The following COLEC10 variants were observed in gnomAD, a reference collection of about 807,000 sequenced individuals.
The protein encoded by COLEC10 is collectin-10.
In COLEC10, 22 loss-of-function variants were observed where a neutral mutation model predicts 28.4. That is an observed-to-expected ratio of 0.78 (90% CI 0.55 to 1.11). The LOEUF (loss-of-function observed/expected upper bound fraction) is 1.11. Among genes scored for constraint, COLEC10 ranks in the 50% least tolerant of loss-of-function variants. The probability of loss-of-function intolerance (pLI) is 0.00; values close to 1 mark genes in which losing one functional copy is unlikely to be tolerated. For missense variants in COLEC10, 361 were observed against 344.1 expected, an observed-to-expected ratio of 1.05 and a Z score of -0.39; for synonymous variants, 125 against 116.1, an observed-to-expected ratio of 1.08 and a Z score of -0.49.
chr8:118,999,900 C>A (rs982190356), intron 1 of COLEC10, among the ~76,000 whole-genome samples: 3 of 92,416 alleles, frequency 3.2e-5, no homozygotes, highest in Non-Finnish European at 6.1e-5. Flanking sequence ...ACAGAGAATT[C>A]TTTAAAGAGT....
chr8:118,961,095 T>A, the COLEC10 span, among the ~76,000 whole-genome samples: 1 of 152,180 alleles, frequency 6.6e-6, no homozygotes, highest in Non-Finnish European at 1.5e-5. Context: ...AAAACATTAT[T>A]TGATCCTTTA....
chr8:119,076,408 C>T (rs966453134), intron 1 of COLEC10, among the ~76,000 whole-genome samples: 2 of 151,896 alleles, frequency 1.3e-5, no homozygotes, highest in Admixed American at 1.3e-4. Flanking sequence ...ATTACAGACA[C>T]CTGCCACCAC....
chr8:119,048,177 T>C (rs1814616534), intron 2 of COLEC10, among the ~76,000 whole-genome samples: 1 of 152,204 alleles, frequency 6.6e-6, no homozygotes, highest in African/African-American at 2.4e-5. Flanking sequence ...GCAGTGTCTA[T>C]TGTTCCCATG....
At chr8:119,104,573 A>G (rs1395856100) in intron 5 of COLEC10, among the ~76,000 whole-genome samples, 1 of 152,188 alleles carries the variant, frequency 6.6e-6, no homozygotes, top group Non-Finnish European at 1.5e-5. Flanking sequence ...CTGAGACAGT[A>G]TTAATAAGGT....
Position 119,105,801 on chromosome 8 carries a change from G to A in COLEC10, c.444G>A (p.Val148=), listed in dbSNP as rs1815925828. The change falls in exon 6 of 6, where the codon GTG becomes GTA. Residue 148 remains valine (V), a splice_region_variant and synonymous_variant. Coordinates refer to ENST00000332843, the MANE Select transcript of COLEC10 (RefSeq NM_006438.5). ...LKTSMKFVKN[V]IAGIRETEEK... is the part of the protein sequence containing the mutation. ...ATACTCCTTTTTCTCTCCCTGCAGT[G>A]ATAGCAGGGATTAGGGAAACTGAAG... 1 of 1,607,382 alleles carries A rather than the reference G, an allele frequency of 6.2e-7. No homozygotes were observed. Among genetic ancestry groups the A allele is most frequent in the South Asian group, 1.1e-5 (1 of 90,830 alleles).
chr8:119,069,689 C>G (rs1306483955), intron 1 of COLEC10, among the ~76,000 whole-genome samples: 2 of 130,100 alleles, frequency 1.5e-5, no homozygotes, highest in Non-Finnish European at 3.2e-5. Context: ...CTACCTTGTT[C>G]CTTCATGAAT....
In COLEC10 at chr8:119,009,965, G is replaced by A. The variant is rs192526054; in HGVS notation, n.235+412G>A. On this transcript the variant is annotated intron_variant and non_coding_transcript_variant, in intron 2 of 6. Coordinates refer to the COLEC10 transcript ENST00000521788. Reference sequence around the variant, plus strand: ...CCACATCCCATGCACAGTCTCTCCCGCTATCAAAAAGAGTGGTGCATTTGC... The same window carrying A: ...CCACATCCCATGCACAGTCTCTCCCACTATCAAAAAGAGTGGTGCATTTGC... Among the ~76,000 whole-genome samples, 113 of 150,646 alleles carry A rather than the reference G, an allele frequency of 7.5e-4. 8 individuals are homozygous for A. The highest frequency in any genetic ancestry group is 2.7e-3 in the African/African-American group (109 of 40,230).
intron 2 of COLEC10, among the ~76,000 whole-genome samples, chr8:119,030,569 C>A (rs535795950): frequency 6.6e-6 from 1 of 152,270 alleles, no homozygotes; most frequent in South Asian, 2.1e-4. Context: ...ACTGACTCAT[C>A]ATGTGAATAT....
At position 119,102,336 on chromosome 8, in the gene COLEC10, G is replaced by A; in HGVS notation, c.293-12G>A. 1 of 1,429,550 alleles carries A rather than the reference G, an allele frequency of 7.0e-7. No homozygotes were observed. The allele number at this position is 1,429,550 out of a possible 1,614,324, so 88.6% of individuals were successfully genotyped here. ...ATTTTATTTTATTTTGGTTGCTATTGTTTTTTTTCAGGTGACAAAGGGGAA... is the reference window on the plus strand; with the variant it reads ...ATTTTATTTTATTTTGGTTGCTATTATTTTTTTTCAGGTGACAAAGGGGAA... On this transcript the variant is annotated splice_polypyrimidine_tract_variant and intron_variant, in intron 3 of 5. Transcript: ENST00000332843.
At chr8:119,090,489 G>A (rs1288885594) in intron 2 of COLEC10, among the ~76,000 whole-genome samples, 3 of 152,208 alleles carry the variant, frequency 2.0e-5, no homozygotes, top group Non-Finnish European at 4.4e-5. Flanking sequence ...ACAGACCTGT[G>A]AGACCTCAAT....
chr8:119,002,990 T>G (rs897668295), intron 1 of COLEC10, among the ~76,000 whole-genome samples: 1 of 152,158 alleles, frequency 6.6e-6, no homozygotes, highest in East Asian at 1.9e-4. Context: ...TTTTTCTCCA[T>G]TGGCTTAGTT....
chr8:118,955,033 G>C, the COLEC10 span, among the ~76,000 whole-genome samples: 1 of 152,078 alleles, frequency 6.6e-6, no homozygotes, highest in East Asian at 1.9e-4. Context: ...ACCGGTTCTG[G>C]TTATGCAGAG....
chr8:119,008,484 T>TTTA (rs1322612480), intron 1 of COLEC10, among the ~76,000 whole-genome samples: 9 of 149,582 alleles, frequency 6.0e-5, no homozygotes, highest in Non-Finnish European at 1.2e-4. Flanking sequence ...CTTTTTATTT[T>TTTA]TTTTTTTGCC....
the COLEC10 span, among the ~76,000 whole-genome samples, chr8:118,972,172 A>G: frequency 6.6e-6 from 1 of 151,982 alleles, no homozygotes; most frequent in Non-Finnish European, 1.5e-5. Flanking sequence ...AAAAAAAGTT[A>G]TGTTGGGCTT....
chr8:119,062,846 G>T (rs1814883904), upstream of COLEC10: 1 of 152,118 alleles, frequency 6.6e-6, no homozygotes, highest in Non-Finnish European at 1.5e-5. Context: ...TTATGTGTTT[G>T]CATGTTACTT....
chr8:119,007,592 G>A (rs1435853361), intron 1 of COLEC10, among the ~76,000 whole-genome samples: 3 of 151,160 alleles, frequency 2.0e-5, no homozygotes, highest in East Asian at 1.9e-4. Context: ...CAGTTGGCCT[G>A]AAATTTAAGA....
At chr8:119,000,135 A>T (rs1813665826) in intron 1 of COLEC10, among the ~76,000 whole-genome samples, 1 of 152,184 alleles carries the variant, frequency 6.6e-6, no homozygotes. Flanking sequence ...ATTCCATTAT[A>T]ACAGGGAGAA....
chr8:119,014,288 G>A (rs555517101), intron 2 of COLEC10, among the ~76,000 whole-genome samples: 3 of 148,252 alleles, frequency 2.0e-5, no homozygotes, highest in African/African-American at 5.1e-5. Context: ...TTTTTTGTTC[G>A]TTTGAGAAAG....
rs34834488 is a variant in COLEC10, at chr8:119,103,843, A to G, written c.390A>G (p.Gln130=). ...DCGRYRKFVG[Q]LDISIARLKT... ...GAAGATACCGGAAATTTGTTGGACA[A>G]CTGGATATTAGTATTGCTCGGCTCA... Residue 130 remains glutamine (Q), a synonymous_variant, in exon 5 of 6, where the codon CAA becomes CAG. Coordinates refer to ENST00000332843, the MANE Select transcript of COLEC10 (RefSeq NM_006438.5). 6.6e-3 allele frequency: 10,634 copies of G among 1,612,898 alleles called. 562 individuals are homozygous for G. In the African/African-American group the frequency reaches 0.12, roughly 18 times the overall value.
Sources: gnomAD v4.1 joint callset for allele counts (sites outside exome capture counted in the v4.1 genomes callset) on GRCh38, gnomAD v4.1.1 for gene constraint, MANE v1.5 for transcripts, NCBI Gene and HGNC (gene_info 2026-07-23, HGNC 2026-07-21) for gene names.